Variants in PARG observed in about 807,000 individuals in gnomAD.
PARG encodes mitochondrial poly(ADP-ribose) glycohydrolase.
Under a neutral mutation model 113.0 loss-of-function variants are expected in PARG, and 35 were observed. The ratio of observed to expected loss-of-function variants is 0.31; its 90% CI spans 0.24 to 0.41. The LOEUF (loss-of-function observed/expected upper bound fraction) is 0.41, where lower values mean the gene tolerates loss of function less well. Among genes scored for constraint, PARG ranks in the 10% least tolerant of loss-of-function variants. PARG has a pLI of 1.00. For synonymous variants in PARG, 330 were observed against 409.9 expected (o/e 0.81, Z 2.36); for missense variants, 797 against 1,169.4 (o/e 0.68, Z 4.64).
At chr10:49,833,176 T>C (rs1844755533) in intron 15 of PARG, 1 of 213,698 alleles carries the variant, frequency 4.7e-6, no homozygotes, top group African/African-American at 2.3e-5. Flanking sequence ...CTAATACAGG[T>C]CCCAATTTAT....
At chr10:49,890,808 A>G (rs1353930476) in intron 7 of PARG, among the ~76,000 whole-genome samples, 1 of 152,228 alleles carries the variant, frequency 6.6e-6, no homozygotes, top group African/African-American at 2.4e-5. Flanking sequence ...TTAACTACAT[A>G]CATCTGTTAA....
rs577537368 is a variant in PARG, at chr10:49,840,788, A to G, written c.2541+1162T>C. ...GTAAAAATCTGTCTAGATCACTGTTATTATTCTCAGAAGTCTGTGTAGGAA... is the reference window on the plus strand; with the variant it reads ...GTAAAAATCTGTCTAGATCACTGTTGTTATTCTCAGAAGTCTGTGTAGGAA... On this transcript the variant is annotated intron_variant, in intron 15 of 17. Coordinates refer to ENST00000616448, the MANE Select transcript of PARG (RefSeq NM_003631.5). Among the ~76,000 whole-genome samples, 13 of 152,328 alleles carry G rather than the reference A, an allele frequency of 8.5e-5. No homozygotes were observed. The South Asian group carries it at 2.1e-3, about 24-fold the overall frequency.
chr10:49,921,923 G>C (rs548616107), intron 6 of PARG, among the ~76,000 whole-genome samples: 2 of 152,182 alleles, frequency 1.3e-5, no homozygotes, highest in East Asian at 3.9e-4. Context: ...ATAAAAACCA[G>C]AATGCTTAAC....
chr10:49,938,601 AT>A lies in PARG; in HGVS notation c.217+2907del, dbSNP rs1160217365. On this transcript the variant is annotated intron_variant, in intron 1 of 17. Transcript: ENST00000616448. Reference sequence around the variant, plus strand: ...GTTCTGCCAATATGCAGGTTTGCAGATTTTTTTTTTCTTTTTTCAGAAGTGG... The same window carrying A: ...GTTCTGCCAATATGCAGGTTTGCAGATTTTTTTTTCTTTTTTCAGAAGTGG... 5.1e-3 allele frequency among the ~76,000 whole-genome samples: 755 copies of A among 148,576 alleles called. 9 individuals carry two copies. Among genetic ancestry groups the A allele is most frequent in the South Asian group, 0.03 (139 of 4,650 alleles).
Position 49,831,879 on chromosome 10 carries a change from C to T in PARG, c.2647+924G>A, listed in dbSNP as rs183552778. Among the ~76,000 whole-genome samples the T allele has an allele frequency of 3.5e-4, 54 of 152,260 alleles. 1 individual carries two copies. Among genetic ancestry groups the T allele is most frequent in the Middle Eastern group, 6.8e-3 (2 of 294 alleles). On this transcript the variant is annotated intron_variant, in intron 16 of 17. Transcript: ENST00000616448. ...GGGAACCTCCTACAATAGTAACCAG[C>T]TGGACAGAAATGTGCGTGGCCTGGG...
At chr10:49,912,418 A>T (rs1281786273) in intron 7 of PARG, among the ~76,000 whole-genome samples, 1 of 152,126 alleles carries the variant, frequency 6.6e-6, no homozygotes, top group Non-Finnish European at 1.5e-5. Context: ...TAATCCCAGC[A>T]CTTTGGGAGG....
chr10:49,911,822 G>A (rs1459884271), intron 7 of PARG, among the ~76,000 whole-genome samples: 1 of 152,182 alleles, frequency 6.6e-6, no homozygotes, highest in Non-Finnish European at 1.5e-5. Flanking sequence ...TCGTTGTAAG[G>A]TAGTTTGGGT....
intron 6 of PARG, among the ~76,000 whole-genome samples, chr10:49,921,676 A>G (rs559551080): frequency 2.7e-4 from 41 of 152,148 alleles, no homozygotes; most frequent in African/African-American, 9.1e-4. Flanking sequence ...TAGAAGTATA[A>G]AAAATTCTGT....
At chr10:49,827,260 T>G (rs1376912403) in intron 16 of PARG, among the ~76,000 whole-genome samples, 1 of 152,248 alleles carries the variant, frequency 6.6e-6, no homozygotes, top group Non-Finnish European at 1.5e-5. Context: ...CTACTGAATA[T>G]ATTTGTTAAA....
intron 6 of PARG, among the ~76,000 whole-genome samples, chr10:49,920,409 T>C (rs1837731894): frequency 7.2e-6 from 1 of 139,786 alleles, no homozygotes; most frequent in Admixed American, 7.4e-5. Flanking sequence ...ATCACCCCAC[T>C]GCACTCCACC....
In PARG at chr10:49,917,095, A is replaced by G. The variant is rs564842148; in HGVS notation, c.1663-1104T>C. Among the ~76,000 whole-genome samples, 197 of 152,302 alleles carry G rather than the reference A, an allele frequency of 1.3e-3. 1 individual carries two copies. The highest frequency in any genetic ancestry group is 4.5e-3 in the African/African-American group (186 of 41,584). On this transcript the variant is annotated intron_variant, in intron 6 of 17. Coordinates refer to ENST00000616448, the MANE Select transcript of PARG (RefSeq NM_003631.5). ...AAGAAAAGAAAAGAGAAGAGAAGATAAAAGAAAAAGAAAAATCTTCCCTAA... is the reference window on the plus strand; with the variant it reads ...AAGAAAAGAAAAGAGAAGAGAAGATGAAAGAAAAAGAAAAATCTTCCCTAA...
At chr10:49,822,475 T>C (rs1483961890) in intron 16 of PARG, among the ~76,000 whole-genome samples, 3 of 152,138 alleles carry the variant, frequency 2.0e-5, no homozygotes, top group Non-Finnish European at 4.4e-5. Context: ...AGTGCTCAAA[T>C]GGATAAAACA....
At position 49,915,119 on chromosome 10, in the gene PARG, A is replaced by G. The variant is rs117946122; in HGVS notation, c.1737+798T>C. ...AATATGATCCCGAAAACAGAAGAAA[A>G]AAAATGATAAACTGACTTTGTCAAA... On this transcript the variant is annotated intron_variant, in intron 7 of 17. Coordinates refer to ENST00000616448, the MANE Select transcript of PARG (RefSeq NM_003631.5). Among the ~76,000 whole-genome samples the G allele has an allele frequency of 6.7e-4, 102 of 152,210 alleles. 1 individual carries two copies. The East Asian group carries it at 0.019, about 29-fold the overall frequency.
At chr10:49,880,711 C>T (rs1262881486) in intron 8 of PARG, among the ~76,000 whole-genome samples, 3 of 152,204 alleles carry the variant, frequency 2.0e-5, no homozygotes, top group Non-Finnish European at 2.9e-5. Context: ...GGGTCTGACA[C>T]GCCTCATTAT....
chr10:49,853,192 C>T (rs1309685656), intron 13 of PARG, among the ~76,000 whole-genome samples: 1 of 151,682 alleles, frequency 6.6e-6, no homozygotes, highest in African/African-American at 2.4e-5. Context: ...TGCCACCAGG[C>T]CCAGCTAATT....
chr10:49,848,028 C>T (rs1159511832), intron 13 of PARG, among the ~76,000 whole-genome samples: 13 of 152,162 alleles, frequency 8.5e-5, no homozygotes, highest in Middle Eastern at 6.8e-3. Flanking sequence ...TTCTGTAAGT[C>T]TGAAGTTTCA....
chr10:49,932,339 A>G, intron 3 of PARG, 56 bp from the exon 4 acceptor site: 2 of 1,037,010 alleles, frequency 1.9e-6, no homozygotes, highest in Non-Finnish European at 3.1e-6. Context: ...TAATTCCCTT[A>G]GATACACAAG....
chr10:49,843,672 T>C (rs995919351), intron 13 of PARG, 40 bp from the exon 14 acceptor site: 3 of 1,298,660 alleles, frequency 2.3e-6, no homozygotes, highest in Non-Finnish European at 3.3e-6. Context: ...TCACACTTGA[T>C]GGCAAAAACA....
chr10:49,905,753 C>A (rs1204421654), intron 7 of PARG, among the ~76,000 whole-genome samples: 14 of 151,512 alleles, frequency 9.2e-5, no homozygotes, highest in African/African-American at 3.4e-4. Flanking sequence ...GCAGTGGAGA[C>A]TCAAAAAACA....
Sources: gnomAD v4.1 joint callset for allele counts (sites outside exome capture counted in the v4.1 genomes callset) on GRCh38, gnomAD v4.1.1 for gene constraint, MANE v1.5 for transcripts, NCBI Gene and HGNC (gene_info 2026-07-23, HGNC 2026-07-21) for gene names.